The following CDK14 variants were observed in gnomAD, a reference collection of about 807,000 sequenced individuals.
CDK14 encodes cyclin dependent kinase 14.
CDK14 carries 34 observed loss-of-function variants against 60.7 expected under a neutral mutation model. The observed-to-expected ratio is 0.56, with a 90% confidence interval of 0.43 to 0.75. The LOEUF is 0.75. CDK14 is among the 30% of genes least tolerant of loss of function. The pLI is 0.00. For missense variants in CDK14, 482 were observed against 564.1 expected (o/e 0.85, Z 1.47); for synonymous variants, 197 against 203.7 (o/e 0.97, Z 0.28).
chr7:91,119,525 A>G (rs1004015005), intron 14 of CDK14, among the ~76,000 whole-genome samples: 1 of 152,162 alleles, frequency 6.6e-6, no homozygotes, highest in African/African-American at 2.4e-5. Flanking sequence ...AAGTAACTCA[A>G]AGGATATATG....
chr7:91,099,844 A>G (rs1016101967), intron 12 of CDK14, among the ~76,000 whole-genome samples: 2 of 152,142 alleles, frequency 1.3e-5, no homozygotes, highest in East Asian at 1.9e-4. Context: ...CTGGAAATCA[A>G]TTCTGTTGAA....
At chr7:91,116,854 C>T (rs1485840765) in intron 13 of CDK14, among the ~76,000 whole-genome samples, 2 of 151,840 alleles carry the variant, frequency 1.3e-5, no homozygotes, top group Non-Finnish European at 2.9e-5. Context: ...TGTTCACACT[C>T]CTTTGCTGAT....
intron 14 of CDK14, among the ~76,000 whole-genome samples, chr7:91,159,291 C>G (rs1163203068): frequency 6.6e-6 from 1 of 152,200 alleles, no homozygotes; most frequent in Non-Finnish European, 1.5e-5. Context: ...CTGCTCACAT[C>G]TAACAACTTC....
Position 91,203,124 on chromosome 7 carries a change from T to TA in CDK14, c.*29-4030dup, listed in dbSNP as rs34109717. On this transcript the variant is annotated intron_variant, in intron 14 of 14. Coordinates refer to ENST00000380050, the MANE Select transcript of CDK14 (RefSeq NM_001287135.2). ...CCTTTCAAATATAATGTCATGGAGT[T>TA]AAAAAAAAAAATGTAAGTTTTGCCT... 7.1e-4 allele frequency among the ~76,000 whole-genome samples: 106 copies of TA among 149,160 alleles called. 1 individual carries two copies. Among genetic ancestry groups the TA allele is most frequent in the South Asian group, 1.3e-3 (6 of 4,734 alleles).
intron 5 of CDK14, among the ~76,000 whole-genome samples, chr7:90,823,101 C>CT (rs1789606956): frequency 1.3e-5 from 2 of 152,202 alleles, no homozygotes; most frequent in African/African-American, 4.8e-5. Context: ...AGTTGGCCCT[C>CT]TGTGTCCACC....
intron 9 of CDK14, among the ~76,000 whole-genome samples, chr7:90,967,408 G>A (rs1209828837): frequency 6.6e-6 from 1 of 152,014 alleles, no homozygotes; most frequent in African/African-American, 2.4e-5. Context: ...GACTACTAAG[G>A]GTCTTTGTCA....
intron 3 of CDK14, among the ~76,000 whole-genome samples, chr7:90,742,973 C>A (rs1803414420): frequency 6.6e-6 from 1 of 152,018 alleles, no homozygotes; most frequent in Non-Finnish European, 1.5e-5. Context: ...CAAGTCTAAA[C>A]ATTAAACTCA....
At chr7:90,597,386 A>G (rs768309841) in intron 1 of CDK14, 1 of 152,266 alleles carries the variant, frequency 6.6e-6, no homozygotes, top group Non-Finnish European at 1.5e-5. Context: ...CCAAACAACA[A>G]ACCAACTGAC....
chr7:91,151,233 G>A (rs1383456692), intron 14 of CDK14, among the ~76,000 whole-genome samples: 1 of 152,116 alleles, frequency 6.6e-6, no homozygotes, highest in Non-Finnish European at 1.5e-5. Context: ...GAACTCAAAA[G>A]TCCCAGTTTC....
At chr7:90,670,944 A>C (rs919565473) in intron 2 of CDK14, among the ~76,000 whole-genome samples, 1 of 152,092 alleles carries the variant, frequency 6.6e-6, no homozygotes, top group African/African-American at 2.4e-5. Flanking sequence ...TCCAGCATTA[A>C]CTTTCTTAAG....
chr7:90,611,446 G>T (rs1799535886), intron 2 of CDK14, among the ~76,000 whole-genome samples: 1 of 152,164 alleles, frequency 6.6e-6, no homozygotes, highest in South Asian at 2.1e-4. Flanking sequence ...ATCTTCTCTT[G>T]TTCCTCTCTC....
intron 14 of CDK14, among the ~76,000 whole-genome samples, chr7:91,201,503 T>C (rs1228804218): frequency 6.7e-6 from 1 of 148,594 alleles, no homozygotes; most frequent in Non-Finnish European, 1.5e-5. Flanking sequence ...GAAAAAAGAG[T>C]ACTTTGAGGA....
intron 12 of CDK14, among the ~76,000 whole-genome samples, chr7:91,083,324 G>A (rs56965449): frequency 0.014 from 2,189 of 152,252 alleles, 57 homozygotes; most frequent in African/African-American, 0.05. Flanking sequence ...ATAACTCAAA[G>A]GGTGAGCTGC....
intron 14 of CDK14, among the ~76,000 whole-genome samples, chr7:91,194,186 C>T (rs1802460267): frequency 6.6e-6 from 1 of 152,150 alleles, no homozygotes; most frequent in African/African-American, 2.4e-5. Flanking sequence ...TTAGCTATAT[C>T]ATGTAAATCC....
chr7:90,657,451 G>A (rs1178262636), intron 2 of CDK14, among the ~76,000 whole-genome samples: 1 of 152,184 alleles, frequency 6.6e-6, no homozygotes, highest in Admixed American at 6.5e-5. Context: ...AATTTAGCAT[G>A]TGATAGTAAA....
intron 9 of CDK14, among the ~76,000 whole-genome samples, chr7:90,957,244 G>A (rs556460930): frequency 1.4e-3 from 211 of 152,072 alleles, no homozygotes; most frequent in African/African-American, 4.8e-3. Context: ...GTGTAAAAGT[G>A]TTCCTATTTC....
intron 10 of CDK14, among the ~76,000 whole-genome samples, chr7:90,999,811 A>G (rs1795791938): frequency 6.6e-6 from 1 of 152,216 alleles, no homozygotes; most frequent in South Asian, 2.1e-4. Context: ...TTAATAGAAA[A>G]TAATCAACCT....
chr7:91,077,025 G>C (rs1798337853), intron 11 of CDK14, among the ~76,000 whole-genome samples: 1 of 152,192 alleles, frequency 6.6e-6, no homozygotes, highest in Non-Finnish European at 1.5e-5. Context: ...AGGAGAAATA[G>C]GAACACTTTT....
intron 5 of CDK14, among the ~76,000 whole-genome samples, chr7:90,804,804 A>C (rs1296575465): frequency 6.6e-6 from 1 of 152,098 alleles, no homozygotes; most frequent in Non-Finnish European, 1.5e-5. Context: ...TAGAAATATA[A>C]ATTGAGATAT....
Sources: allele counts gnomAD v4.1 joint callset (sites outside exome capture counted in the v4.1 genomes callset), GRCh38; gene constraint gnomAD v4.1.1; transcripts MANE v1.5; gene names NCBI Gene and HGNC (gene_info 2026-07-23, HGNC 2026-07-21).